RALYL: variants seen among roughly 807,000 people sequenced by gnomAD.
RALYL encodes RALY RNA binding protein like, also known as RNA-binding Raly-like protein.
Under a neutral mutation model 35.1 loss-of-function variants are expected in RALYL, and 29 were observed. The observed-to-expected ratio is 0.83, with a 90% CI of 0.61 to 1.13. The LOEUF (loss-of-function observed/expected upper bound fraction) is 1.13. RALYL is among the 50% of genes most tolerant of loss of function. The probability of loss-of-function intolerance (pLI) is 0.00; values close to 1 mark genes in which losing one functional copy is unlikely to be tolerated. For missense variants in RALYL, 359 were observed against 360.4 expected (o/e 1.00, Z 0.03); for synonymous variants, 120 against 127.6 (o/e 0.94, Z 0.40).
intron 2 of RALYL, among the ~76,000 whole-genome samples, chr8:84,667,163 T>A (rs1363927714): frequency 6.6e-6 from 1 of 152,088 alleles, no homozygotes; most frequent in African/African-American, 2.4e-5. Flanking sequence ...TATTTTGACC[T>A]TCTGTTTATT....
intron 2 of RALYL, among the ~76,000 whole-genome samples, chr8:84,757,352 G>A (rs1448731452): frequency 1.3e-5 from 2 of 151,986 alleles, no homozygotes; most frequent in Non-Finnish European, 2.9e-5. Flanking sequence ...AATAATAATG[G>A]AGACCAATTT....
intron 4 of RALYL, among the ~76,000 whole-genome samples, chr8:84,811,777 A>C: frequency 6.6e-6 from 1 of 151,994 alleles, no homozygotes; most frequent in East Asian, 1.9e-4. Flanking sequence ...TTGAACTTCA[A>C]ATTTCTTTCT....
At chr8:84,840,006 C>T (rs561500085) in intron 4 of RALYL, among the ~76,000 whole-genome samples, 1 of 152,070 alleles carries the variant, frequency 6.6e-6, no homozygotes, top group Non-Finnish European at 1.5e-5. Context: ...GATAAAACCA[C>T]AAAGATGGGG....
chr8:84,479,843 C>T (rs766436193), intron 1 of RALYL, among the ~76,000 whole-genome samples: 51 of 152,168 alleles, frequency 3.4e-4, no homozygotes, highest in Non-Finnish European at 6.3e-4. Context: ...CAGAATCTAC[C>T]TCATCTACAG....
At chr8:84,904,466 T>A (rs1001710835) in intron 8 of RALYL, among the ~76,000 whole-genome samples, 3 of 152,154 alleles carry the variant, frequency 2.0e-5, no homozygotes, top group African/African-American at 7.2e-5. Context: ...GAGCAAATAA[T>A]GTAAATATAA....
intron 3 of RALYL, among the ~76,000 whole-genome samples, chr8:84,783,378 AG>A (rs1818650258): frequency 6.6e-6 from 1 of 152,176 alleles, no homozygotes; most frequent in Non-Finnish European, 1.5e-5. Context: ...AAGAGACTGA[AG>A]ACCGAAAGAG....
At chr8:84,751,759 C>G (rs1413687397) in intron 2 of RALYL, among the ~76,000 whole-genome samples, 1 of 152,154 alleles carries the variant, frequency 6.6e-6, no homozygotes, top group Non-Finnish European at 1.5e-5. Flanking sequence ...CCCCTTTGCC[C>G]TGTGCCAAGA....
chr8:84,358,351 T>TC (rs1278173809), intron 1 of RALYL, among the ~76,000 whole-genome samples: 1 of 151,950 alleles, frequency 6.6e-6, no homozygotes, highest in Non-Finnish European at 1.5e-5. Context: ...TTTAGAGAGT[T>TC]CCCCAGAACT....
intron 2 of RALYL, among the ~76,000 whole-genome samples, chr8:84,630,421 T>C (rs1823669054): frequency 6.6e-6 from 1 of 151,912 alleles, no homozygotes; most frequent in South Asian, 2.1e-4. Flanking sequence ...AGAAACCCTA[T>C]ATTCAACCAA....
intron 1 of RALYL, among the ~76,000 whole-genome samples, chr8:84,299,754 AGAAGAG>A (rs1447351106): frequency 1.3e-5 from 2 of 152,048 alleles, no homozygotes; most frequent in African/African-American, 4.8e-5. Context: ...TTGTGTGCAT[AGAAGAG>A]TTTGAAATGG....
intron 1 of RALYL, among the ~76,000 whole-genome samples, chr8:84,438,007 T>C (rs960749902): frequency 1.3e-5 from 2 of 152,114 alleles, no homozygotes; most frequent in Non-Finnish European, 2.9e-5. Context: ...CTAATGCAAT[T>C]AGTGATGTTG....
chr8:84,605,704 C>T (rs1387561909), intron 2 of RALYL, among the ~76,000 whole-genome samples: 1 of 152,078 alleles, frequency 6.6e-6, no homozygotes, highest in Non-Finnish European at 1.5e-5. Flanking sequence ...CCCTGTAAAT[C>T]CCCAAATGTA....
intron 2 of RALYL, among the ~76,000 whole-genome samples, chr8:84,760,448 T>C (rs1812421858): frequency 6.6e-6 from 1 of 152,082 alleles, no homozygotes; most frequent in Admixed American, 6.6e-5. Flanking sequence ...ATATTTTATG[T>C]ATATACAGTC....
chr8:84,497,862 C>T (rs889768979), intron 1 of RALYL, among the ~76,000 whole-genome samples: 3 of 151,462 alleles, frequency 2.0e-5, no homozygotes, highest in East Asian at 1.9e-4. Context: ...AGGATGTTCT[C>T]GATCTCCTGA....
chr8:84,435,343 CTA>C (rs1364416595), intron 1 of RALYL, among the ~76,000 whole-genome samples: 1 of 152,080 alleles, frequency 6.6e-6, no homozygotes, highest in Non-Finnish European at 1.5e-5. Flanking sequence ...CATTATCCCT[CTA>C]TTATTGGTAG....
intron 1 of RALYL, among the ~76,000 whole-genome samples, chr8:84,395,099 C>A (rs1861503009): frequency 2.0e-5 from 3 of 151,840 alleles, no homozygotes; most frequent in East Asian, 1.9e-4. Context: ...CAATTGCTGA[C>A]CCATTTAATG....
chr8:84,881,865 A>G (rs1842220113), intron 7 of RALYL, among the ~76,000 whole-genome samples: 1 of 151,936 alleles, frequency 6.6e-6, no homozygotes, highest in Admixed American at 6.6e-5. Context: ...GGTATGTCAA[A>G]TTAGGCCTTC....
intron 2 of RALYL, among the ~76,000 whole-genome samples, chr8:84,687,175 C>G (rs900451675): frequency 6.6e-6 from 1 of 152,084 alleles, no homozygotes; most frequent in African/African-American, 2.4e-5. Context: ...TTAACCTATT[C>G]TATTTCAAAT....
intron 2 of RALYL, among the ~76,000 whole-genome samples, chr8:84,688,870 G>A (rs932932618): frequency 2.0e-5 from 3 of 151,772 alleles, no homozygotes; most frequent in East Asian, 1.9e-4. Flanking sequence ...ACTCAATAGC[G>A]AACAGCAAAT....
Sources: allele counts gnomAD v4.1 joint callset (sites outside exome capture counted in the v4.1 genomes callset), GRCh38; gene constraint gnomAD v4.1.1; transcripts MANE v1.5; gene names NCBI Gene and HGNC (gene_info 2026-07-23, HGNC 2026-07-21).